JARID2: variants seen among roughly 807,000 people sequenced by gnomAD.
JARID2 encodes the protein jumonji and AT-rich interaction domain containing 2.
A neutral mutation model predicts 125.6 loss-of-function variants in JARID2; 21 were observed. That is an observed-to-expected ratio of 0.17 (90% confidence interval 0.12 to 0.24). The LOEUF is 0.24. Ranked by LOEUF, JARID2 falls within the 10% of genes least tolerant of loss-of-function variation. The probability of loss-of-function intolerance (pLI) is 1.00; values close to 1 mark genes in which losing one functional copy is unlikely to be tolerated. For synonymous variants in JARID2, 736 were observed against 661.6 expected (o/e 1.11, Z -1.73); for missense variants, 1,303 against 1,639.6 (o/e 0.79, Z 3.55).
At chr6:15,421,152 T>C (rs984543098) in intron 3 of JARID2, among the ~76,000 whole-genome samples, 1 of 152,084 alleles carries the variant, frequency 6.6e-6, no homozygotes, top group Non-Finnish European at 1.5e-5. Flanking sequence ...GCCTGGACAT[T>C]CTCTCAGGGC....
chr6:15,323,022 C>T (rs1395481108), intron 1 of JARID2, among the ~76,000 whole-genome samples: 2 of 152,208 alleles, frequency 1.3e-5, no homozygotes, highest in Admixed American at 1.3e-4. Flanking sequence ...GCAGCAGGCT[C>T]ATTCTAGCAA....
intron 1 of JARID2, among the ~76,000 whole-genome samples, chr6:15,286,811 G>A (rs1314456397): frequency 1.4e-5 from 2 of 147,930 alleles, no homozygotes; most frequent in Non-Finnish European, 3.0e-5. Context: ...GCAGTGAGCC[G>A]AGACCATGCC....
At chr6:15,510,476 G>A (rs895698587) in intron 12 of JARID2, among the ~76,000 whole-genome samples, 1 of 152,172 alleles carries the variant, frequency 6.6e-6, no homozygotes, top group Non-Finnish European at 1.5e-5. Flanking sequence ...TGAGGAGGCC[G>A]TGTAGGTTAC....
At chr6:15,452,421 A>G (rs528599920) in intron 4 of JARID2, among the ~76,000 whole-genome samples, 5 of 152,088 alleles carry the variant, frequency 3.3e-5, no homozygotes, top group East Asian at 3.9e-4. Flanking sequence ...TGGCTTCTCA[A>G]TGCACAATTA....
At chr6:15,415,944 G>A (rs530987900) in intron 3 of JARID2, among the ~76,000 whole-genome samples, 6 of 150,898 alleles carry the variant, frequency 4.0e-5, no homozygotes, top group African/African-American at 1.2e-4. Flanking sequence ...GGTGGCTGCC[G>A]GGCGGAGGGT....
At chr6:15,425,710 A>T (rs961224781) in intron 3 of JARID2, among the ~76,000 whole-genome samples, 1 of 152,204 alleles carries the variant, frequency 6.6e-6, no homozygotes, top group Non-Finnish European at 1.5e-5. Flanking sequence ...ATGGTGAGAA[A>T]TAAATTTCTG....
intron 1 of JARID2, among the ~76,000 whole-genome samples, chr6:15,291,596 G>A (rs983365230): frequency 6.6e-6 from 1 of 152,182 alleles, no homozygotes. Context: ...GGCCAGAATC[G>A]CTGCATTCAG....
At chr6:15,446,149 A>G (rs751645481) in intron 3 of JARID2, among the ~76,000 whole-genome samples, 2 of 152,170 alleles carry the variant, frequency 1.3e-5, no homozygotes, top group Non-Finnish European at 2.9e-5. Flanking sequence ...ATCATGAGTG[A>G]TGGGTTGTAT....
Position 15,409,932 on chromosome 6 carries a change from G to A in JARID2, c.182-292G>A, listed in dbSNP as rs182040502. 2.6e-3 allele frequency among the ~76,000 whole-genome samples: 399 copies of A among 152,288 alleles called. 3 individuals are homozygous for A. The highest frequency in any genetic ancestry group is 9.3e-3 in the African/African-American group (385 of 41,566). ...TTTCAACCCTTTAGCTGCAAAAGATGTTTATGTACTCTTTAAAAACGAATC... is the reference window on the plus strand; with the variant it reads ...TTTCAACCCTTTAGCTGCAAAAGATATTTATGTACTCTTTAAAAACGAATC... On this transcript the variant is annotated intron_variant, in intron 2 of 17. Transcript: ENST00000341776.
chr6:15,416,337 G>A (rs7766592), intron 3 of JARID2, among the ~76,000 whole-genome samples: 4,718 of 151,890 alleles, frequency 0.031, 242 homozygotes, highest in African/African-American at 0.11. Context: ...CAAGGCAGGC[G>A]GCTGGGAGGT....
At chr6:15,500,059 G>A (rs1770657222) in intron 7 of JARID2, among the ~76,000 whole-genome samples, 1 of 152,178 alleles carries the variant, frequency 6.6e-6, no homozygotes, top group African/African-American at 2.4e-5. Flanking sequence ...TTTTGTTGAT[G>A]GTTATTTTGG....
intron 4 of JARID2, among the ~76,000 whole-genome samples, chr6:15,460,203 T>G (rs1768378059): frequency 1.3e-5 from 2 of 152,190 alleles, no homozygotes; most frequent in Admixed American, 1.3e-4. Flanking sequence ...TTTTGAGGTC[T>G]GAGGAGGGGA....
At chr6:15,512,056 T>C (rs1049527927) in intron 13 of JARID2, 152 bp from the exon 14 acceptor site, 1 of 661,772 alleles carries the variant, frequency 1.5e-6, no homozygotes, top group Non-Finnish European at 2.6e-6. Flanking sequence ...AGAAGCTCCT[T>C]CTTGTGTTAT....
intron 3 of JARID2, among the ~76,000 whole-genome samples, chr6:15,429,202 AGT>A (rs1362660329): frequency 6.6e-6 from 1 of 151,798 alleles, no homozygotes; most frequent in African/African-American, 2.4e-5. Context: ...CATGTTTTTG[AGT>A]GTGTAAACAA....
intron 2 of JARID2, among the ~76,000 whole-genome samples, chr6:15,392,441 T>G (rs1345124462): frequency 6.6e-6 from 1 of 152,062 alleles, no homozygotes; most frequent in African/African-American, 2.4e-5. Flanking sequence ...TCTGTCCGAC[T>G]TGCCCTGTTT....
At chr6:15,412,621 G>A (rs1320993885) in intron 3 of JARID2, among the ~76,000 whole-genome samples, 1 of 152,180 alleles carries the variant, frequency 6.6e-6, no homozygotes, top group Non-Finnish European at 1.5e-5. Context: ...ATTTCTTGGG[G>A]TGTTGCAGGG....
intron 1 of JARID2, among the ~76,000 whole-genome samples, chr6:15,311,332 C>G (rs1264690530): frequency 6.6e-6 from 1 of 152,178 alleles, no homozygotes; most frequent in African/African-American, 2.4e-5. Context: ...AATCCCAAAA[C>G]TTTGGGAGGC....
intron 1 of JARID2, among the ~76,000 whole-genome samples, chr6:15,269,723 G>C (rs2327882): frequency 0.38 from 57,920 of 151,768 alleles, 11,267 homozygotes; most frequent in South Asian, 0.53. Context: ...CTTTGTCTAG[G>C]AGCCTTTACA....
rs1163489715 is a variant in JARID2, at chr6:15,521,990, C to T, written c.*1739C>T. 2 of 152,186 alleles carry T rather than the reference C, an allele frequency of 1.3e-5. No homozygotes were observed. Among genetic ancestry groups the T allele is most frequent in the African/African-American group, 4.8e-5 (2 of 41,442 alleles). 9.4% of individuals were successfully genotyped at this position (152,186 alleles called of 1,614,324 possible). A position where few individuals can be genotyped will look rare whatever the true frequency, so the allele number is the denominator to read the frequency against. On this transcript the variant is annotated 3_prime_UTR_variant, in exon 18 of 18. Coordinates refer to ENST00000341776, the MANE Select transcript of JARID2 (RefSeq NM_004973.4). ...TTGTTTACTTTTCAGGTTTGTACTA[C>T]AAGGTTTAATAATAAAAACAAAGTT...
Sources: gnomAD v4.1 joint callset for allele counts (sites outside exome capture counted in the v4.1 genomes callset) on GRCh38, gnomAD v4.1.1 for gene constraint, MANE v1.5 for transcripts, NCBI Gene and HGNC (gene_info 2026-07-23, HGNC 2026-07-21) for gene names.